Variants in RXRA observed in about 807,000 individuals in gnomAD.
RXRA encodes retinoic acid receptor RXR-alpha.
A neutral mutation model predicts 44.5 loss-of-function variants in RXRA; 5 were observed. The observed-to-expected ratio is 0.11, with a 90% CI of 0.06 to 0.24. RXRA has a LOEUF of 0.24. Ranked by LOEUF, RXRA falls within the 10% of genes least tolerant of loss-of-function variation. The pLI is 1.00. For synonymous variants in RXRA, 291 were observed against 271.4 expected, an observed-to-expected ratio of 1.07 and a Z score of -0.71; for missense variants, 412 against 646.5, an observed-to-expected ratio of 0.64 and a Z score of 3.93.
chr9:134,401,403 C>T lies in RXRA; in HGVS notation c.29-229C>T, dbSNP rs548289218. ...TTCCTGCGTCTGCCGCAGGCCCAGCCTAAAGCCGGGGTCAGGCGCAGAACA... is the reference window on the plus strand; with the variant it reads ...TTCCTGCGTCTGCCGCAGGCCCAGCTTAAAGCCGGGGTCAGGCGCAGAACA... On this transcript the variant is annotated intron_variant, in intron 1 of 9. Coordinates refer to ENST00000481739, the MANE Select transcript of RXRA (RefSeq NM_002957.6). 7.7e-6 allele frequency: 5 copies of T among 650,250 alleles called. No individual in the cohort carries two copies. The African/African-American group carries it at 9.1e-5, about 12-fold the overall frequency. 40.3% of individuals were successfully genotyped at this position (650,250 alleles called of 1,614,324 possible).
At chr9:134,402,099 C>T (rs893816778) in intron 2 of RXRA, 11 of 554,942 alleles carry the variant, frequency 2.0e-5, no homozygotes, top group South Asian at 1.5e-4. Flanking sequence ...GATCATCAGC[C>T]GAGGTGACTT....
chr9:134,334,869 G>T (rs1216276297), intron 1 of RXRA, among the ~76,000 whole-genome samples: 1 of 152,196 alleles, frequency 6.6e-6, no homozygotes, highest in Non-Finnish European at 1.5e-5. Context: ...AGCCAGGGTG[G>T]GTGTGGGTCT....
At chr9:134,387,792 C>T (rs138835012) in intron 1 of RXRA, among the ~76,000 whole-genome samples, 157 of 152,352 alleles carry the variant, frequency 1.0e-3, no homozygotes, top group African/African-American at 3.6e-3. Context: ...CTGTCCTGGG[C>T]ATCTCTGGGC....
At chr9:134,387,618 A>G (rs1170449935) in intron 1 of RXRA, among the ~76,000 whole-genome samples, 1 of 152,258 alleles carries the variant, frequency 6.6e-6, no homozygotes, top group Non-Finnish European at 1.5e-5. Context: ...GAAATAGAAC[A>G]GTGCACCTGG....
At chr9:134,420,627 A>C (rs1442344262) in intron 5 of RXRA, among the ~76,000 whole-genome samples, 1 of 152,236 alleles carries the variant, frequency 6.6e-6, no homozygotes, top group African/African-American at 2.4e-5. Flanking sequence ...CTGTTGGTGG[A>C]AGCTCTTCAA....
At position 134,426,665 on chromosome 9, in the gene RXRA, TG is replaced by T. The variant is rs1416600615; in HGVS notation, c.911-2441del. The T allele has an allele frequency of 1.0e-6, 1 of 985,340 alleles. No individual in the cohort carries two copies. Among genetic ancestry groups the T allele is most frequent in the Non-Finnish European group, 1.2e-6 (1 of 829,890 alleles). The allele number at this position is 985,340 out of a possible 1,614,324, so 61.0% of individuals were successfully genotyped here. On this transcript the variant is annotated intron_variant, in intron 6 of 9. Coordinates refer to ENST00000481739, the MANE Select transcript of RXRA (RefSeq NM_002957.6). This position sits in a 1 kb window ranked among gnomAD's most constrained non-coding sequence, Gnocchi z 4.6. ...CAGAGTTTCAGAGGCGAGTCTACCC[TG>T]GTGCCTGCTGGGTGGCCTCAGGGGC...
chr9:134,334,645 A>G (rs912506574), intron 1 of RXRA, among the ~76,000 whole-genome samples: 5 of 152,182 alleles, frequency 3.3e-5, no homozygotes, highest in Non-Finnish European at 7.3e-5. Context: ...TGTGGGCTTC[A>G]GTTTCCCTGG....
chr9:134,414,072 G>A (rs919878059), intron 4 of RXRA, among the ~76,000 whole-genome samples: 4 of 152,248 alleles, frequency 2.6e-5, no homozygotes, highest in African/African-American at 7.2e-5. Flanking sequence ...AGGTGATTGT[G>A]CTGGCAAAGC....
chr9:134,340,254 G>A (rs1830070546), intron 1 of RXRA, among the ~76,000 whole-genome samples: 2 of 152,322 alleles, frequency 1.3e-5, no homozygotes, highest in South Asian at 4.1e-4. Context: ...TAAGGGTCCT[G>A]AGGGCTCGGG....
At chr9:134,416,698 G>A (rs1306875842) in intron 4 of RXRA, among the ~76,000 whole-genome samples, 1 of 151,988 alleles carries the variant, frequency 6.6e-6, no homozygotes, top group South Asian at 2.1e-4. Context: ...CAGCACGGGT[G>A]CCCCTGTGCT....
intron 4 of RXRA, among the ~76,000 whole-genome samples, chr9:134,409,329 C>T (rs1238549350): frequency 6.6e-6 from 1 of 152,214 alleles, no homozygotes; most frequent in Non-Finnish European, 1.5e-5. Flanking sequence ...GCGGCATGTT[C>T]TGGCTGGCGT....
At position 134,426,185 on chromosome 9, in the gene RXRA, A is replaced by G; in HGVS notation, c.911-2923A>G. 1 of 985,388 alleles carries G rather than the reference A, an allele frequency of 1.0e-6. No individual in the cohort carries two copies. Among genetic ancestry groups the G allele is most frequent in the Non-Finnish European group, 1.2e-6 (1 of 829,918 alleles). The allele number at this position is 985,388 out of a possible 1,614,324, so 61.0% of individuals were successfully genotyped here. The stretch of plus-strand genomic sequence containing the variant: ...TCCTGCGCTTGGAGCCTGGAGTAAG[A>G]CCTGGTATCCTCTGCATCACTGAGG... On this transcript the variant is annotated intron_variant, in intron 6 of 9. Coordinates refer to ENST00000481739, the MANE Select transcript of RXRA (RefSeq NM_002957.6). This position sits in a 1 kb window ranked among gnomAD's most constrained non-coding sequence, Gnocchi z 4.6.
rs912937421 is a variant in RXRA, at chr9:134,432,003, C to G, written c.1135+7C>G. The G allele has an allele frequency of 8.1e-6, 13 of 1,609,582 alleles. No homozygotes were observed. In the African/African-American group the frequency reaches 1.7e-4, roughly 22 times the overall value. ...ATCGTCCTCTTTAACCCTGGTATGG[C>G]CTTCCTGCCTTGAGGCTTCTGGCCC... On this transcript the variant is annotated splice_region_variant and intron_variant, in intron 8 of 9. Coordinates refer to ENST00000481739, the MANE Select transcript of RXRA (RefSeq NM_002957.6).
chr9:134,437,404 G>C lies in RXRA; in HGVS notation c.*790G>C, dbSNP rs1262464096. 1 of 152,642 alleles carries C rather than the reference G, an allele frequency of 6.6e-6. No individual in the cohort carries two copies. The highest frequency in any genetic ancestry group is 1.5e-5 in the Non-Finnish European group (1 of 68,226). The allele number at this position is 152,642 out of a possible 1,614,324, so 9.5% of individuals were successfully genotyped here. A position where few individuals can be genotyped will look rare whatever the true frequency, so the allele number is the denominator to read the frequency against. Reference sequence around the variant, plus strand: ...CTCCCGACTCCCCGTTCAGACCAGAGTGCCCCGGCCCCTCCCCAGCCTGAG... The same window carrying C: ...CTCCCGACTCCCCGTTCAGACCAGACTGCCCCGGCCCCTCCCCAGCCTGAG... On this transcript the variant is annotated 3_prime_UTR_variant, in exon 10 of 10. Coordinates refer to ENST00000481739, the MANE Select transcript of RXRA (RefSeq NM_002957.6).
At chr9:134,350,586 G>A (rs1830209305) in intron 1 of RXRA, among the ~76,000 whole-genome samples, 1 of 152,208 alleles carries the variant, frequency 6.6e-6, no homozygotes, top group Non-Finnish European at 1.5e-5. Context: ...GGGCCTCTGT[G>A]CTGTGCCCTG....
chr9:134,375,334 G>A (rs1478638045), intron 1 of RXRA, among the ~76,000 whole-genome samples: 2 of 152,136 alleles, frequency 1.3e-5, no homozygotes, highest in African/African-American at 4.8e-5. Context: ...TCCGATGGCT[G>A]TGGCTGGCTG....
intron 4 of RXRA, among the ~76,000 whole-genome samples, chr9:134,411,332 A>T (rs79679413): frequency 2.8e-5 from 1 of 35,270 alleles, no homozygotes; most frequent in Admixed American, 4.5e-4. Context: ...GGCTGGGGGG[A>T]CCTGGAATCA....
intron 1 of RXRA, among the ~76,000 whole-genome samples, chr9:134,369,201 T>G (rs1158574173): frequency 2.6e-5 from 1 of 38,134 alleles, no homozygotes; most frequent in Non-Finnish European, 4.5e-5. Flanking sequence ...TGTGTGTGTG[T>G]GGGGTTATGT....
chr9:134,425,654 C>A, intron 6 of RXRA: 1 of 985,016 alleles, frequency 1.0e-6, no homozygotes, highest in Non-Finnish European at 1.2e-6. Context: ...GCCCAAGGTC[C>A]CCCTGTGGGG....
Sources: allele counts gnomAD v4.1 joint callset (sites outside exome capture counted in the v4.1 genomes callset), GRCh38; gene constraint gnomAD v4.1.1; non-coding constraint Gnocchi (gnomAD v3.1); transcripts MANE v1.5; gene names NCBI Gene and HGNC (gene_info 2026-07-23, HGNC 2026-07-21).